RBBP8: variants seen among roughly 807,000 people sequenced by gnomAD.
RBBP8 encodes the protein RB binding protein 8, endonuclease, also known as DNA endonuclease RBBP8.
RBBP8 carries 88 observed loss-of-function variants against 108.3 expected under a neutral mutation model. The observed-to-expected ratio is 0.81, with a 90% CI of 0.68 to 0.97. RBBP8 has a LOEUF of 0.97. Ranked by LOEUF, RBBP8 falls within the 50% of genes least tolerant of loss-of-function variation. RBBP8 has a pLI of 0.00. For missense variants in RBBP8, 1,023 were observed against 1,049.0 expected, an observed-to-expected ratio of 0.98 and a Z score of 0.34; for synonymous variants, 332 against 348.2, an observed-to-expected ratio of 0.95 and a Z score of 0.52.
chr18:22,995,199 C>G lies in RBBP8; in HGVS notation c.1940-1175C>G, dbSNP rs2045833410. 2.6e-5 allele frequency among the ~76,000 whole-genome samples: 4 copies of G among 151,934 alleles called. No individual in the cohort carries two copies. The South Asian group carries it at 6.2e-4, about 24-fold the overall frequency. ...GTTTTTCCAGTGAGTGTTTTAGTCT[C>G]TATATGAAAACATTTTTTTCACTAT... On this transcript the variant is annotated intron_variant, in intron 12 of 18. Transcript: ENST00000327155.
intron 15 of RBBP8, among the ~76,000 whole-genome samples, chr18:23,005,892 A>C (rs2046034444): frequency 6.6e-6 from 1 of 152,002 alleles, no homozygotes; most frequent in Admixed American, 6.6e-5. Context: ...AGAAAGAAAA[A>C]AGTAGTTGCA....
chr18:23,022,652 A>AAAG (rs1555650126), intron 18 of RBBP8, among the ~76,000 whole-genome samples: 6 of 21,990 alleles, frequency 2.7e-4, no homozygotes, highest in Non-Finnish European at 5.9e-4. Context: ...AAAATACAAT[A>AAAG]TAAAATAAAA....
At chr18:23,010,294 G>A (rs1175951728) in intron 16 of RBBP8, among the ~76,000 whole-genome samples, 3 of 151,830 alleles carry the variant, frequency 2.0e-5, no homozygotes, top group African/African-American at 7.3e-5. Context: ...TAGATTCCTA[G>A]AAGTAGGACT....
chr18:22,989,080 A>C, intron 8 of RBBP8, 141 bp from the exon 9 acceptor site: 1 of 592,194 alleles, frequency 1.7e-6, no homozygotes, highest in South Asian at 2.0e-5. Flanking sequence ...CTTTTTGCAC[A>C]GAATTTTAAA....
chr18:22,942,164 TATATATAGGA>T (rs1911141818), intron 2 of RBBP8, among the ~76,000 whole-genome samples: 1 of 152,034 alleles, frequency 6.6e-6, no homozygotes, highest in Non-Finnish European at 1.5e-5. Flanking sequence ...GGTTTTAAGG[TATATATAGGA>T]ATCAAAATTG....
At chr18:22,949,405 C>G (rs1323691830) in intron 3 of RBBP8, among the ~76,000 whole-genome samples, 2 of 151,996 alleles carry the variant, frequency 1.3e-5, no homozygotes, top group Non-Finnish European at 2.9e-5. Context: ...AAAGTTGAGT[C>G]AATAGTGGCA....
chr18:22,955,944 ATTGTC>A (rs1912493844), intron 4 of RBBP8, among the ~76,000 whole-genome samples: 1 of 152,028 alleles, frequency 6.6e-6, no homozygotes, highest in East Asian at 1.9e-4. Context: ...TCCCCTTTAT[ATTGTC>A]TTAACTTTAT....
chr18:22,923,245 G>A (rs1339797963), intron 3 of RBBP8, among the ~76,000 whole-genome samples: 1 of 152,092 alleles, frequency 6.6e-6, no homozygotes, highest in Admixed American at 6.5e-5. Flanking sequence ...CCAAAGTACA[G>A]AGAAATTAAA....
intron 1 of RBBP8, among the ~76,000 whole-genome samples, chr18:22,914,628 T>C (rs1286991230): frequency 6.6e-6 from 1 of 152,196 alleles, no homozygotes; most frequent in Non-Finnish European, 1.5e-5. Context: ...TCCTTCATAA[T>C]GTAACTATTA....
rs543338336 is a variant in RBBP8, at chr18:23,011,328, CAT to C, written c.2357+4897_2357+4898del. Among the ~76,000 whole-genome samples, 557 of 152,262 alleles carry C rather than the reference CAT, an allele frequency of 3.7e-3. 4 individuals are homozygous for C. The highest frequency in any genetic ancestry group is 6.2e-3 in the Non-Finnish European group (421 of 68,028). On this transcript the variant is annotated intron_variant, in intron 16 of 18. Coordinates refer to ENST00000327155, the MANE Select transcript of RBBP8 (RefSeq NM_002894.3). ...TCTGTCAGCGGCATTTTTCCAACAA[CAT>C]GTGCTTACTTCATGTTTCTGTGTCA... is the stretch of plus-strand genomic sequence containing the variant.
rs535129478 is a variant in RBBP8, at chr18:23,021,370, G to A, written c.2455-759G>A. On this transcript the variant is annotated intron_variant, in intron 17 of 18. Transcript: ENST00000327155. ...TGGGAGGTTGCAGTGAGCCAAGATC[G>A]TGCCACTGCACCCCAGCCTGGGTGA... Among the ~76,000 whole-genome samples the A allele has an allele frequency of 6.6e-5, 10 of 152,248 alleles. No individual in the cohort carries two copies. In the South Asian group the frequency reaches 2.1e-3, roughly 32 times the overall value.
chr18:23,022,441 A>T (rs1351089890), intron 18 of RBBP8, among the ~76,000 whole-genome samples, 171 bp downstream of exon 18: 1 of 151,646 alleles, frequency 6.6e-6, no homozygotes, highest in East Asian at 1.9e-4. Flanking sequence ...TCTCTACTAA[A>T]AATACAAAAA....
chr18:22,985,104 G>A (rs1298504820), intron 8 of RBBP8, 114 bp downstream of exon 8: 5 of 1,403,642 alleles, frequency 3.6e-6, no homozygotes, highest in Non-Finnish European at 3.8e-6. Flanking sequence ...ATATAATTTT[G>A]TTTATATTAC....
chr18:22,918,194 C>G (rs1407940723), intron 3 of RBBP8, among the ~76,000 whole-genome samples: 1 of 152,100 alleles, frequency 6.6e-6, no homozygotes, highest in Non-Finnish European at 1.5e-5. Flanking sequence ...ATCATCTGTA[C>G]TAATGGAAGA....
intron 6 of RBBP8, among the ~76,000 whole-genome samples, chr18:22,975,661 T>C (rs1207921883): frequency 2.6e-5 from 4 of 151,894 alleles, no homozygotes; most frequent in Non-Finnish European, 5.9e-5. Context: ...ATAAAACCAG[T>C]AACTTTTATC....
chr18:22,990,965 G>A lies in RBBP8; in HGVS notation c.836G>A (p.Gly279Asp). 6.2e-7 allele frequency: 1 copy of A among 1,613,698 alleles called. No individual in the cohort carries two copies. Among genetic ancestry groups the A allele is most frequent in the Non-Finnish European group, 8.5e-7 (1 of 1,179,756 alleles). The change falls in exon 10 of 19, where the codon GGT (glycine) becomes GAT (aspartate). Residue 279 changes from glycine (G) to aspartate (D), a missense_variant. Coordinates refer to ENST00000327155, the MANE Select transcript of RBBP8 (RefSeq NM_002894.3). ...ACTCAAGGTCCCATGAGCCCCCTTG[G>A]TGATGAGCTCTACCACTGTCTGGAA... ...SETQGPMSPL[G>D]DELYHCLEGN... is the part of the protein sequence containing the mutation.
chr18:22,978,891 G>C (rs1914686945), intron 6 of RBBP8, among the ~76,000 whole-genome samples: 1 of 152,188 alleles, frequency 6.6e-6, no homozygotes, highest in Non-Finnish European at 1.5e-5. Flanking sequence ...TAATTAGCTT[G>C]ATTTAATCAT....
intron 4 of RBBP8, among the ~76,000 whole-genome samples, chr18:22,954,798 CCTT>C (rs1421568020): frequency 6.6e-6 from 1 of 152,118 alleles, no homozygotes; most frequent in Admixed American, 6.5e-5. Context: ...GTAAACACGT[CCTT>C]CTTCACATGA....
chr18:22,955,203 G>T (rs1290476393), intron 4 of RBBP8, among the ~76,000 whole-genome samples: 1 of 152,062 alleles, frequency 6.6e-6, no homozygotes, highest in East Asian at 1.9e-4. Flanking sequence ...AGGTACATGG[G>T]CCTGTAATTC....
Sources: allele counts gnomAD v4.1 joint callset (sites outside exome capture counted in the v4.1 genomes callset), GRCh38; gene constraint gnomAD v4.1.1; transcripts MANE v1.5; gene names NCBI Gene and HGNC (gene_info 2026-07-23, HGNC 2026-07-21).